EPHA6: variants seen among roughly 807,000 people sequenced by gnomAD.
EPHA6 encodes ephrin type-A receptor 6.
Under a neutral mutation model 112.0 loss-of-function variants are expected in EPHA6, and 50 were observed. That is an observed-to-expected ratio of 0.45 (90% confidence interval 0.36 to 0.56). The LOEUF is 0.56. Ranked by LOEUF, EPHA6 falls within the 20% of genes least tolerant of loss-of-function variation. The pLI is 0.00. For missense variants in EPHA6, 1,280 were observed against 1,417.4 expected, an observed-to-expected ratio of 0.90 and a Z score of 1.56; for synonymous variants, 529 against 490.7, an observed-to-expected ratio of 1.08 and a Z score of -1.03.
intron 3 of EPHA6, among the ~76,000 whole-genome samples, chr3:97,098,010 T>G (rs2108251561): frequency 6.6e-6 from 1 of 152,050 alleles, no homozygotes; most frequent in Middle Eastern, 3.4e-3. Context: ...TTTAGAAAAC[T>G]TAAGTTATGA....
intron 1 of EPHA6, among the ~76,000 whole-genome samples, chr3:96,819,432 ACT>A (rs1182332738): frequency 2.6e-5 from 4 of 151,698 alleles, no homozygotes; most frequent in Admixed American, 6.6e-5. Flanking sequence ...AATTTCAGTA[ACT>A]CTCTCTCTTT....
intron 12 of EPHA6, among the ~76,000 whole-genome samples, chr3:97,600,619 C>A (rs1234952282): frequency 6.6e-6 from 1 of 152,068 alleles, no homozygotes; most frequent in African/African-American, 2.4e-5. Context: ...GCTCTACTCT[C>A]TTCCCCAAGA....
intron 10 of EPHA6, among the ~76,000 whole-genome samples, chr3:97,525,427 G>T (rs1445721541): frequency 1.3e-5 from 2 of 151,990 alleles, no homozygotes; most frequent in African/African-American, 4.8e-5. Context: ...ATCTCTATTT[G>T]TTGAATTTCT....
chr3:97,312,307 A>G (rs929025359), intron 5 of EPHA6, among the ~76,000 whole-genome samples: 3 of 151,620 alleles, frequency 2.0e-5, no homozygotes, highest in Non-Finnish European at 4.4e-5. Context: ...ACCTCCAATA[A>G]AATAGAGAAC....
chr3:97,614,543 G>A (rs1192739825), intron 13 of EPHA6, among the ~76,000 whole-genome samples: 4 of 144,620 alleles, frequency 2.8e-5, no homozygotes, highest in Admixed American at 7.0e-5. Context: ...TAGAAGAGAC[G>A]GGGTTTCACC....
At chr3:97,716,330 A>G (rs941623696) in intron 14 of EPHA6, among the ~76,000 whole-genome samples, 7 of 125,228 alleles carry the variant, frequency 5.6e-5, no homozygotes, top group African/African-American at 3.7e-4. Context: ...GCACTTTGGG[A>G]GGCCGAGGCG....
intron 5 of EPHA6, 109 bp from the exon 6 acceptor site, chr3:97,405,041 T>A: frequency 8.3e-7 from 1 of 1,203,150 alleles, no homozygotes; most frequent in Non-Finnish European, 1.2e-6. Flanking sequence ...CAATAAATGG[T>A]GTCCTCTTCA....
intron 11 of EPHA6, among the ~76,000 whole-genome samples, chr3:97,572,189 C>T (rs1171258796): frequency 7.6e-6 from 1 of 131,226 alleles, no homozygotes; most frequent in Admixed American, 9.2e-5. Flanking sequence ...CTCGCTCTGT[C>T]GCCCAGGCTG....
chr3:96,836,471 G>A (rs1368053019), intron 1 of EPHA6, among the ~76,000 whole-genome samples: 2 of 152,074 alleles, frequency 1.3e-5, no homozygotes, highest in Non-Finnish European at 2.9e-5. Flanking sequence ...ATGGAATACT[G>A]TTTGTCAAAA....
At chr3:97,064,906 G>A (rs80348658) in intron 3 of EPHA6, among the ~76,000 whole-genome samples, 13,822 of 152,060 alleles carry the variant, frequency 0.091, 1,007 homozygotes, top group Admixed American at 0.22. Flanking sequence ...TTCTCAGAAA[G>A]CAAATAAATG....
At chr3:97,236,922 T>A (rs755039584) in intron 4 of EPHA6, among the ~76,000 whole-genome samples, 25 of 152,060 alleles carry the variant, frequency 1.6e-4, no homozygotes, top group Non-Finnish European at 3.5e-4. Flanking sequence ...ATGCTCAGGA[T>A]GCTCACAATC....
chr3:96,971,263 A>G (rs890192119), intron 2 of EPHA6, among the ~76,000 whole-genome samples: 8 of 151,980 alleles, frequency 5.3e-5, no homozygotes, highest in African/African-American at 1.9e-4. Context: ...AATAGGACAA[A>G]TCTACCAAAA....
Position 97,645,631 on chromosome 3 carries a change from GT to G in EPHA6, c.2784+7551del, listed in dbSNP as rs532192474. On this transcript the variant is annotated intron_variant, in intron 14 of 17. Transcript: ENST00000389672. ...GTATACATATGTAACTAACCTGCACGTTGTGCACATGTACCCTAAAACTTAA... is the reference window on the plus strand; with the variant it reads ...GTATACATATGTAACTAACCTGCACGTGTGCACATGTACCCTAAAACTTAA... Among the ~76,000 whole-genome samples, 1,334 of 151,580 alleles carry G rather than the reference GT, an allele frequency of 8.8e-3. 11 individuals are homozygous for G. The highest frequency in any genetic ancestry group is 0.012 in the Non-Finnish European group (848 of 67,918).
chr3:97,753,120 A>G lies in EPHA6; in HGVS notation c.*4419A>G, dbSNP rs1354500902. 1.3e-5 allele frequency among the ~76,000 whole-genome samples: 2 copies of G among 152,134 alleles called. No individual in the cohort carries two copies. The highest frequency in any genetic ancestry group is 2.4e-5 in the African/African-American group (1 of 41,446). ...AAGCAACATTTTCAACAATTTTTCAATCTTTATAATGTTCCACAAAGACAG... is the reference window on the plus strand; with the variant it reads ...AAGCAACATTTTCAACAATTTTTCAGTCTTTATAATGTTCCACAAAGACAG... On this transcript the variant is annotated 3_prime_UTR_variant, in exon 18 of 18. Coordinates refer to ENST00000389672, the MANE Select transcript of EPHA6 (RefSeq NM_001080448.3).
intron 10 of EPHA6, among the ~76,000 whole-genome samples, chr3:97,531,830 C>T (rs2092698655): frequency 6.6e-6 from 1 of 151,988 alleles, no homozygotes; most frequent in Non-Finnish European, 1.5e-5. Context: ...GTAATGTAGC[C>T]TGTATAATCA....
intron 5 of EPHA6, among the ~76,000 whole-genome samples, chr3:97,332,803 T>A (rs2082864208): frequency 6.6e-6 from 1 of 152,068 alleles, no homozygotes; most frequent in African/African-American, 2.4e-5. Flanking sequence ...GATTCTCTAT[T>A]CTGTTTCATT....
Position 97,477,448 on chromosome 3 carries a change from A to AAGGGG in EPHA6, c.2004-1827_2004-1823dup, listed in dbSNP as rs138218579. On this transcript the variant is annotated intron_variant, in intron 8 of 17. Coordinates refer to ENST00000389672, the MANE Select transcript of EPHA6 (RefSeq NM_001080448.3). ...AGAGAAAGAGAGAGGAAGGGAAGGG[A>AAGGGG]AGGGGAGGGGAGGGGAGGGGAGGAA... 6.0e-3 allele frequency among the ~76,000 whole-genome samples: 811 copies of AAGGGG among 134,394 alleles called. 9 individuals carry two copies. Among genetic ancestry groups the AAGGGG allele is most frequent in the African/African-American group, 0.021 (763 of 36,206 alleles). 88.2% of individuals were successfully genotyped at this position (134,394 alleles called of 152,430 possible).
At position 97,664,316 on chromosome 3, in the gene EPHA6, C is replaced by A. The variant is rs935191316; in HGVS notation, c.2784+26234C>A. Among the ~76,000 whole-genome samples the A allele has an allele frequency of 3.9e-5, 6 of 152,240 alleles. 1 individual carries two copies. The highest frequency in any genetic ancestry group is 2.0e-4 in the Admixed American group (3 of 15,286). On this transcript the variant is annotated intron_variant, in intron 14 of 17. Coordinates refer to ENST00000389672, the MANE Select transcript of EPHA6 (RefSeq NM_001080448.3). Reference sequence around the variant, plus strand: ...TTCACTCTGATGGTAGTTTCTTTTGCTGTGCAGAAGCTCTTTAGTTTAATT... The same window carrying A: ...TTCACTCTGATGGTAGTTTCTTTTGATGTGCAGAAGCTCTTTAGTTTAATT...
At chr3:96,833,659 G>A (rs1001498404) in intron 1 of EPHA6, among the ~76,000 whole-genome samples, 26 of 151,986 alleles carry the variant, frequency 1.7e-4, no homozygotes, top group African/African-American at 5.8e-4. Flanking sequence ...TTAAACCAGA[G>A]TAAGAGAGCT....
Sources: allele counts gnomAD v4.1 joint callset (sites outside exome capture counted in the v4.1 genomes callset), GRCh38; gene constraint gnomAD v4.1.1; transcripts MANE v1.5; gene names NCBI Gene and HGNC (gene_info 2026-07-23, HGNC 2026-07-21).